The following TENM4 variants were observed in gnomAD, a reference collection of about 807,000 sequenced individuals.
TENM4 encodes teneurin transmembrane protein 4.
TENM4 carries 82 observed loss-of-function variants against 243.3 expected under a neutral mutation model. The ratio of observed to expected loss-of-function variants is 0.34; its 90% confidence interval spans 0.28 to 0.40. The LOEUF is 0.40. Ranked by LOEUF, TENM4 falls within the 10% of genes least tolerant of loss-of-function variation. The pLI, the probability that TENM4 is intolerant of heterozygous loss-of-function variation, is 1.00. For missense variants in TENM4, 3,138 were observed against 3,673.3 expected, an observed-to-expected ratio of 0.85 and a Z score of 3.77; for synonymous variants, 1,412 against 1,456.3, an observed-to-expected ratio of 0.97 and a Z score of 0.69.
intron 6 of TENM4, among the ~76,000 whole-genome samples, chr11:79,011,571 T>C (rs1275768550): frequency 6.6e-6 from 1 of 152,074 alleles, no homozygotes; most frequent in African/African-American, 2.4e-5. Flanking sequence ...TGGGGCCAGA[T>C]CCTCTGCCTA....
At chr11:79,052,642 G>A (rs112074960) in intron 6 of TENM4, among the ~76,000 whole-genome samples, 2,736 of 152,294 alleles carry the variant, frequency 0.018, 77 homozygotes, top group African/African-American at 0.063. Context: ...TGGCGAGGGA[G>A]GGAGGGAGGA....
intron 6 of TENM4, among the ~76,000 whole-genome samples, chr11:79,056,353 G>C (rs1234721027): frequency 6.6e-6 from 1 of 152,052 alleles, no homozygotes; most frequent in East Asian, 1.9e-4. Flanking sequence ...TCAGAAGCAA[G>C]GTGCTGTTGT....
intron 4 of TENM4, among the ~76,000 whole-genome samples, chr11:79,104,182 G>A (rs1219253318): frequency 6.6e-6 from 1 of 152,058 alleles, no homozygotes; most frequent in Non-Finnish European, 1.5e-5. Context: ...GCACTTATCA[G>A]CATTTGGAAT....
At chr11:79,090,471 C>T (rs1860918766) in intron 4 of TENM4, among the ~76,000 whole-genome samples, 1 of 152,232 alleles carries the variant, frequency 6.6e-6, no homozygotes, top group Admixed American at 6.5e-5. Context: ...AAGAGGGCTG[C>T]ACTGTTGAGA....
chr11:79,324,985 C>T (rs566868515), intron 1 of TENM4, among the ~76,000 whole-genome samples: 1 of 152,296 alleles, frequency 6.6e-6, no homozygotes, highest in East Asian at 1.9e-4. Flanking sequence ...CAGGGAAATG[C>T]CAATGGCCAC....
intron 2 of TENM4, among the ~76,000 whole-genome samples, chr11:79,245,618 T>G (rs1236890385): frequency 6.6e-6 from 1 of 152,000 alleles, no homozygotes; most frequent in African/African-American, 2.4e-5. Flanking sequence ...CATATAACAC[T>G]TTATAGAAAA....
intron 6 of TENM4, among the ~76,000 whole-genome samples, chr11:78,913,115 G>A (rs1454453744): frequency 6.6e-6 from 1 of 152,200 alleles, no homozygotes; most frequent in Non-Finnish European, 1.5e-5. Context: ...TGCACAGCAA[G>A]TCGTGTATTA....
At chr11:79,216,889 TC>T (rs1367322701) in intron 2 of TENM4, among the ~76,000 whole-genome samples, 2 of 152,180 alleles carry the variant, frequency 1.3e-5, no homozygotes, top group African/African-American at 4.8e-5. Flanking sequence ...GGGTCGATCT[TC>T]CTGTAATATA....
At chr11:79,399,890 G>A (rs527350116) in intron 1 of TENM4, among the ~76,000 whole-genome samples, 1 of 152,140 alleles carries the variant, frequency 6.6e-6, no homozygotes, top group South Asian at 2.1e-4. Context: ...TATATAAAGT[G>A]CCCAGCAGAG....
intron 27 of TENM4, among the ~76,000 whole-genome samples, chr11:78,705,266 G>C (rs1417755816): frequency 6.6e-6 from 1 of 152,198 alleles, no homozygotes; most frequent in Non-Finnish European, 1.5e-5. Flanking sequence ...GGGAAGACTA[G>C]GGGGAGACAG....
chr11:79,010,461 C>G (rs1023241451), intron 6 of TENM4, among the ~76,000 whole-genome samples: 1 of 151,960 alleles, frequency 6.6e-6, no homozygotes, highest in Non-Finnish European at 1.5e-5. Flanking sequence ...GGGTATTAGT[C>G]TGTTATCATG....
rs548127304 is a variant in TENM4, at chr11:79,321,182, C to T, written c.-320-23639G>A. 3.3e-5 allele frequency among the ~76,000 whole-genome samples: 5 copies of T among 152,210 alleles called. No individual in the cohort carries two copies. The South Asian group carries it at 1.0e-3, about 32-fold the overall frequency. On this transcript the variant is annotated intron_variant, in intron 1 of 33. Coordinates refer to ENST00000278550, the MANE Select transcript of TENM4 (RefSeq NM_001098816.3). The stretch of plus-strand genomic sequence containing the variant: ...GGACAGTGAGGGGCTTTAATCAGGA[C>T]ATCCTTCTTATCTCATCCAGCCTGG...
intron 4 of TENM4, among the ~76,000 whole-genome samples, chr11:79,086,835 CAAAA>C (rs371315703): frequency 6.7e-5 from 6 of 89,082 alleles, no homozygotes; most frequent in Admixed American, 2.9e-4. Context: ...CTCTGTCTCG[CAAAA>C]AAAAAAAAAA....
Position 78,944,267 on chromosome 11 carries a change from A to AC in TENM4, c.494-40745_494-40744insG, listed in dbSNP as rs1460118222. On this transcript the variant is annotated intron_variant, in intron 6 of 33. Coordinates refer to ENST00000278550, the MANE Select transcript of TENM4 (RefSeq NM_001098816.3). ...GGGTTCGTAGTCCTGACTCAGGCAG[A>AC]AAAAAAAAACAAAGAACCTGATTCT... Among the ~76,000 whole-genome samples, 3 of 137,244 alleles carry AC rather than the reference A, an allele frequency of 2.2e-5. No homozygotes were observed. The East Asian group carries it at 9.6e-4, about 44-fold the overall frequency. 90.0% of individuals were successfully genotyped at this position (137,244 alleles called of 152,430 possible). A position where few individuals can be genotyped will look rare whatever the true frequency, so the allele number is the denominator to read the frequency against.
At chr11:79,033,072 T>G (rs2136864713) in intron 6 of TENM4, among the ~76,000 whole-genome samples, 1 of 152,198 alleles carries the variant, frequency 6.6e-6, no homozygotes, top group Non-Finnish European at 1.5e-5. Flanking sequence ...ATCTACCCTC[T>G]AAGGCATTTT....
At chr11:79,066,578 A>G (rs1448659853) in intron 5 of TENM4, among the ~76,000 whole-genome samples, 1 of 152,100 alleles carries the variant, frequency 6.6e-6, no homozygotes, top group African/African-American at 2.4e-5. Context: ...GCACGCGCAC[A>G]CACACATGCA....
At chr11:79,167,045 T>G (rs1484650309) in intron 3 of TENM4, among the ~76,000 whole-genome samples, 1 of 152,186 alleles carries the variant, frequency 6.6e-6, no homozygotes, top group African/African-American at 2.4e-5. Context: ...AGCCAGAACA[T>G]TTTATTCACC....
intron 2 of TENM4, among the ~76,000 whole-genome samples, chr11:79,254,406 A>G (rs1855665741): frequency 1.3e-5 from 2 of 152,234 alleles, no homozygotes; most frequent in South Asian, 4.1e-4. Context: ...AGAACAGAGG[A>G]TAAATGGGCT....
chr11:79,353,431 T>C (rs1489626916), intron 1 of TENM4, among the ~76,000 whole-genome samples: 4 of 152,132 alleles, frequency 2.6e-5, no homozygotes, highest in Non-Finnish European at 4.4e-5. Context: ...TTCTGGACTG[T>C]CTCTTAACGT....
Sources: allele counts gnomAD v4.1 joint callset (sites outside exome capture counted in the v4.1 genomes callset), GRCh38; gene constraint gnomAD v4.1.1; transcripts MANE v1.5; gene names NCBI Gene and HGNC (gene_info 2026-07-23, HGNC 2026-07-21).